SP110: variants seen among roughly 807,000 people sequenced by gnomAD.
SP110 encodes SP110 nuclear body protein.
SP110 carries 62 observed loss-of-function variants against 92.7 expected under a neutral mutation model. The observed-to-expected ratio is 0.67, with a 90% CI of 0.55 to 0.83. SP110 has a LOEUF of 0.83. SP110 is among the 40% of genes least tolerant of loss of function. The pLI is 0.00. For missense variants in SP110, 793 were observed against 863.9 expected, an observed-to-expected ratio of 0.92 and a Z score of 1.03; for synonymous variants, 273 against 305.3, an observed-to-expected ratio of 0.89 and a Z score of 1.10.
intron 11 of SP110, among the ~76,000 whole-genome samples, chr2:230,184,762 G>C (rs1173440322): frequency 6.6e-6 from 1 of 151,902 alleles, no homozygotes; most frequent in African/African-American, 2.4e-5. Context: ...ACCCTCAAAA[G>C]AAAAAATTCC....
At chr2:230,179,496 A>G (rs967006) in intron 12 of SP110, among the ~76,000 whole-genome samples, 100,541 of 130,714 alleles carry the variant, frequency 0.77, 37,957 homozygotes, top group Non-Finnish European at 0.8. Context: ...GGCAGGGAGG[A>G]GTGGGGGTGG....
intron 6 of SP110, among the ~76,000 whole-genome samples, chr2:230,210,469 C>T (rs1272544696): frequency 6.6e-6 from 1 of 152,100 alleles, no homozygotes; most frequent in Admixed American, 6.5e-5. Flanking sequence ...AAAAATACAT[C>T]TTATTGCTTT....
At chr2:230,213,498 G>A (rs1213443307) in intron 3 of SP110, among the ~76,000 whole-genome samples, 2 of 152,178 alleles carry the variant, frequency 1.3e-5, no homozygotes, top group East Asian at 1.9e-4. Flanking sequence ...TTTCTGCAGA[G>A]TCAGCTTCTG....
upstream of SP110, chr2:230,221,669 T>G (rs771813999): frequency 9.1e-6 from 14 of 1,532,902 alleles, no homozygotes; most frequent in South Asian, 1.7e-4. Flanking sequence ...GTAAAGGAAT[T>G]AAGGTTATTT....
At position 230,166,773 on chromosome 2, in the gene SP110, G is replaced by C. The variant is rs200570282; in HGVS notation, c.*2351C>G. On this transcript the variant is annotated 3_prime_UTR_variant, in exon 19 of 19. Transcript: ENST00000258381. ...CGAGGAAGACAAGGAAGAAGCCTGT[G>C]GGGTAGGATGGGATGGGATGGGAAT... Among the ~76,000 whole-genome samples, 3 of 152,176 alleles carry C rather than the reference G, an allele frequency of 2.0e-5. No homozygotes were observed. The East Asian group carries it at 5.8e-4, about 29-fold the overall frequency.
chr2:230,184,220 C>A (rs1457963078), intron 11 of SP110, among the ~76,000 whole-genome samples: 1 of 152,150 alleles, frequency 6.6e-6, no homozygotes, highest in Non-Finnish European at 1.5e-5. Flanking sequence ...TTTCAAACTG[C>A]AGTTGACTTC....
rs527429172 is a variant in SP110, at chr2:230,177,462, A to G, written c.1590+76T>C. 2.3e-5 allele frequency: 33 copies of G among 1,458,078 alleles called. No homozygotes were observed. In the South Asian group the frequency reaches 3.8e-4, roughly 17 times the overall value. 90.3% of individuals were successfully genotyped at this position (1,458,078 alleles called of 1,614,324 possible). A position where few individuals can be genotyped will look rare whatever the true frequency, so the allele number is the denominator to read the frequency against. On this transcript the variant is annotated intron_variant, in intron 14 of 18. Coordinates refer to ENST00000258381, the MANE Select transcript of SP110 (RefSeq NM_080424.4). ...TGTTGAATCCTAACGGGAGCTCTTC[A>G]CATTTCTGCTCTTAAAGCTCCACTT...
At chr2:230,214,727 C>T (rs890354889) in intron 3 of SP110, among the ~76,000 whole-genome samples, 2 of 152,114 alleles carry the variant, frequency 1.3e-5, no homozygotes, top group African/African-American at 4.8e-5. Flanking sequence ...ATTCATAGAA[C>T]ACATAAGAAA....
At chr2:230,209,071 T>C (rs2044187993) in intron 7 of SP110, among the ~76,000 whole-genome samples, 1 of 152,196 alleles carries the variant, frequency 6.6e-6, no homozygotes, top group Admixed American at 6.5e-5. Flanking sequence ...TTTTGATTCT[T>C]TTTCTTTTGT....
intron 2 of SP110, 114 bp downstream of exon 2, chr2:230,216,667 C>A (rs973565920): frequency 7.1e-6 from 9 of 1,271,004 alleles, no homozygotes; most frequent in Non-Finnish European, 1.0e-5. Context: ...AATGAACATG[C>A]CTGGGCTGGG....
chr2:230,217,562 T>C (rs560692450), intron 1 of SP110, among the ~76,000 whole-genome samples: 3 of 152,356 alleles, frequency 2.0e-5, no homozygotes, highest in African/African-American at 2.4e-5. Context: ...GGGTTTCATA[T>C]GCAGTAACTT....
At position 230,171,776 on chromosome 2, in the gene SP110, T is replaced by G; in HGVS notation, c.1816-9A>C. The G allele has an allele frequency of 6.2e-7, 1 of 1,605,632 alleles. No homozygotes were observed. The highest frequency in any genetic ancestry group is 8.5e-7 in the Non-Finnish European group (1 of 1,172,296). ...AGGAGGAACTCACATTTCTGTAAAA[T>G]GTGAAGAGGGCTTGAAAGTGAAATG... On this transcript the variant is annotated splice_polypyrimidine_tract_variant and intron_variant, in intron 16 of 18. Coordinates refer to ENST00000258381, the MANE Select transcript of SP110 (RefSeq NM_080424.4).
At chr2:230,171,017 T>A in intron 17 of SP110, 1 of 559,472 alleles carries the variant, frequency 1.8e-6, no homozygotes, top group Non-Finnish European at 3.2e-6. Flanking sequence ...GATGGAGAGG[T>A]CAAGGAACCT....
At chr2:230,176,437 A>G (rs2041863185) in intron 14 of SP110, 3 of 1,406,238 alleles carry the variant, frequency 2.1e-6, no homozygotes, top group East Asian at 2.7e-5. Context: ...TAGCCATCCA[A>G]ATATCCAGAT....
intron 14 of SP110, 185 bp downstream of exon 14, chr2:230,177,353 T>G: frequency 1.4e-6 from 1 of 701,756 alleles, no homozygotes; most frequent in Non-Finnish European, 2.5e-6. Flanking sequence ...TTTAAAGTTC[T>G]CCACCATCAG....
At chr2:230,215,349 C>T (rs571502053) in intron 2 of SP110, among the ~76,000 whole-genome samples, 1 of 152,292 alleles carries the variant, frequency 6.6e-6, no homozygotes, top group South Asian at 2.1e-4. Context: ...ATTTAGCTTT[C>T]TTAAAGTAAG....
intron 10 of SP110, among the ~76,000 whole-genome samples, chr2:230,196,313 T>G (rs968950042): frequency 8.5e-5 from 13 of 152,056 alleles, no homozygotes; most frequent in African/African-American, 3.1e-4. Flanking sequence ...CACTAGTAGG[T>G]GATTATTTAA....
At chr2:230,192,331 G>A (rs2042672488) in intron 10 of SP110, among the ~76,000 whole-genome samples, 1 of 152,198 alleles carries the variant, frequency 6.6e-6, no homozygotes, top group African/African-American at 2.4e-5. Flanking sequence ...AATAGGAAGA[G>A]AGGAAGTCAA....
At position 230,200,980 on chromosome 2, in the gene SP110, A is replaced by T; in HGVS notation, c.1049-15T>A. 1.3e-6 allele frequency: 2 copies of T among 1,585,686 alleles called. No homozygotes were observed. Among genetic ancestry groups the T allele is most frequent in the African/African-American group, 2.7e-5 (2 of 74,478 alleles). ...ATCAATGATCTCTGGAAAATGAAAG[A>T]TCTTAGTAAATGCCCCTTGGGAAAC... On this transcript the variant is annotated splice_polypyrimidine_tract_variant and intron_variant, in intron 9 of 18. Transcript: ENST00000258381.
Sources: allele counts gnomAD v4.1 joint callset (sites outside exome capture counted in the v4.1 genomes callset), GRCh38; gene constraint gnomAD v4.1.1; transcripts MANE v1.5; gene names NCBI Gene and HGNC (gene_info 2026-07-23, HGNC 2026-07-21).